The following NRXN1 variants were observed in gnomAD, a reference collection of about 807,000 sequenced individuals.
NRXN1 encodes neurexin-1.
NRXN1 carries 39 observed loss-of-function variants against 150.9 expected under a neutral mutation model. The observed-to-expected ratio is 0.26, with a 90% confidence interval of 0.20 to 0.34. The LOEUF (loss-of-function observed/expected upper bound fraction) is 0.34, where lower values mean the gene tolerates loss of function less well. Ranked by LOEUF, NRXN1 falls within the 10% of genes least tolerant of loss-of-function variation. The pLI is 1.00. For synonymous variants in NRXN1, 924 were observed against 757.0 expected (o/e 1.22, Z -3.62); for missense variants, 1,815 against 1,949.9 (o/e 0.93, Z 1.30).
intron 5 of NRXN1, among the ~76,000 whole-genome samples, chr2:50,812,255 G>C (rs139299263): frequency 2.0e-5 from 3 of 152,150 alleles, no homozygotes; most frequent in Non-Finnish European, 4.4e-5. Flanking sequence ...GAATGACTTT[G>C]TCTAGCAACA....
chr2:50,490,009 G>A (rs754107408), intron 15 of NRXN1, among the ~76,000 whole-genome samples: 4 of 152,154 alleles, frequency 2.6e-5, no homozygotes, highest in Non-Finnish European at 4.4e-5. Flanking sequence ...TGCAAAACCC[G>A]GGGATTCAAT....
intron 2 of NRXN1, among the ~76,000 whole-genome samples, chr2:50,997,953 G>A (rs1034320857): frequency 2.8e-5 from 4 of 141,380 alleles, no homozygotes; most frequent in South Asian, 2.3e-4. Context: ...GATGAGTTCC[G>A]AATGTTTAGA....
chr2:50,009,789 A>G (rs1191697317), intron 21 of NRXN1, among the ~76,000 whole-genome samples: 1 of 152,152 alleles, frequency 6.6e-6, no homozygotes, highest in African/African-American at 2.4e-5. Flanking sequence ...TAGCTTCTGA[A>G]TAAGATCATT....
At chr2:50,542,989 A>C (rs1186283582) in intron 9 of NRXN1, among the ~76,000 whole-genome samples, 1 of 152,160 alleles carries the variant, frequency 6.6e-6, no homozygotes, top group Non-Finnish European at 1.5e-5. Flanking sequence ...GAACACATCA[A>C]ATTAATATTT....
intron 2 of NRXN1, among the ~76,000 whole-genome samples, chr2:50,959,573 T>C (rs541885915): frequency 3.3e-5 from 5 of 151,928 alleles, no homozygotes; most frequent in South Asian, 2.1e-4. Flanking sequence ...AGTAGATGAA[T>C]AGATGCCAGG....
rs1236629015 is a variant in NRXN1, at chr2:49,920,668, C to T, written c.*1276G>A. The T allele has an allele frequency of 2.7e-5, 4 of 150,246 alleles. No individual in the cohort carries two copies. The South Asian group carries it at 6.3e-4, about 24-fold the overall frequency. The allele number at this position is 150,246 out of a possible 1,614,324, so 9.3% of individuals were successfully genotyped here. A position where few individuals can be genotyped will look rare whatever the true frequency, so the allele number is the denominator to read the frequency against. On this transcript the variant is annotated 3_prime_UTR_variant, in exon 23 of 23. Coordinates refer to ENST00000401669, the MANE Select transcript of NRXN1 (RefSeq NM_001330078.2). The stretch of plus-strand genomic sequence containing the variant: ...GCTACTGTATGCACGTTTGGATCTT[C>T]CAGCATATCTGATGGATTGCTGTGG...
intron 17 of NRXN1, among the ~76,000 whole-genome samples, chr2:50,340,300 T>C (rs1371227815): frequency 3.9e-5 from 6 of 152,174 alleles, no homozygotes; most frequent in Non-Finnish European, 7.4e-5. Flanking sequence ...TGTGAGAGAA[T>C]GGAATATTTT....
chr2:50,038,445 T>G (rs1690386299), intron 21 of NRXN1, among the ~76,000 whole-genome samples: 1 of 152,142 alleles, frequency 6.6e-6, no homozygotes, highest in Non-Finnish European at 1.5e-5. Context: ...ACATGTAAGA[T>G]AATAAGGCAT....
intron 17 of NRXN1, among the ~76,000 whole-genome samples, chr2:50,405,198 G>A (rs2082674699): frequency 6.6e-6 from 1 of 152,078 alleles, no homozygotes; most frequent in South Asian, 2.1e-4. Flanking sequence ...AAGATCTTGA[G>A]GATCTTTCCA....
At chr2:50,872,611 A>G (rs1677954488) in intron 5 of NRXN1, among the ~76,000 whole-genome samples, 1 of 151,670 alleles carries the variant, frequency 6.6e-6, no homozygotes, top group Non-Finnish European at 1.5e-5. Flanking sequence ...TAAGAATAAA[A>G]TAAAAATAAA....
At chr2:50,200,355 G>T (rs1382698404) in intron 18 of NRXN1, among the ~76,000 whole-genome samples, 2 of 151,988 alleles carry the variant, frequency 1.3e-5, no homozygotes, top group African/African-American at 4.8e-5. Context: ...TAATTAATTG[G>T]CCTCATTACT....
intron 13 of NRXN1, 136 bp from the exon 14 acceptor site, chr2:50,497,850 C>T (rs2091729266): frequency 1.4e-6 from 1 of 705,198 alleles, no homozygotes; most frequent in African/African-American, 1.8e-5. Flanking sequence ...ATAGGAAGAA[C>T]ACTTAAATGA....
intron 17 of NRXN1, among the ~76,000 whole-genome samples, chr2:50,316,751 A>C (rs1012072836): frequency 2.0e-5 from 3 of 152,010 alleles, no homozygotes; most frequent in African/African-American, 7.2e-5. Flanking sequence ...GAGAAATACA[A>C]ATTTGCCGAA....
intron 2 of NRXN1, chr2:51,026,554 A>G: frequency 1.1e-6 from 1 of 880,114 alleles, no homozygotes; most frequent in Non-Finnish European, 1.8e-6. Flanking sequence ...CAGAAATTAC[A>G]ACTTGGCCTC....
intron 17 of NRXN1, among the ~76,000 whole-genome samples, chr2:50,274,795 C>T (rs935432593): frequency 6.6e-6 from 1 of 151,736 alleles, no homozygotes; most frequent in Non-Finnish European, 1.5e-5. Context: ...AAAAAAAACC[C>T]ATAAAAATGT....
At chr2:49,942,614 T>TATTATTATTATTTTA (rs112672714) in intron 22 of NRXN1, among the ~76,000 whole-genome samples, 2 of 149,008 alleles carry the variant, frequency 1.3e-5, no homozygotes, top group African/African-American at 4.9e-5. Context: ...TTATTATTAT[T>TATTATTATTATTTTA]TTATTATTAT....
chr2:50,178,827 G>A lies in NRXN1; in HGVS notation c.3546+57962C>T, dbSNP rs550913238. ...GAAAAGAGCTTTGAGAACCATGTTA[G>A]CTTGTAGCTGCCAAAGACACAAGTA... On this transcript the variant is annotated intron_variant, in intron 18 of 22. Transcript: ENST00000401669. Among the ~76,000 whole-genome samples, 5 of 152,178 alleles carry A rather than the reference G, an allele frequency of 3.3e-5. 1 individual carries two copies. Among genetic ancestry groups the A allele is most frequent in the African/African-American group, 1.2e-4 (5 of 41,548 alleles).
chr2:50,605,912 G>A (rs979799370), intron 8 of NRXN1, among the ~76,000 whole-genome samples: 13 of 152,238 alleles, frequency 8.5e-5, no homozygotes, highest in Admixed American at 2.6e-4. Context: ...ATTGATGGAT[G>A]ACTGGATTTT....
At chr2:50,600,602 G>A (rs1161055259) in intron 8 of NRXN1, among the ~76,000 whole-genome samples, 3 of 152,196 alleles carry the variant, frequency 2.0e-5, no homozygotes, top group African/African-American at 7.2e-5. Flanking sequence ...TGGGATTACA[G>A]GCATAAGCCA....
Sources: gnomAD v4.1 joint callset for allele counts (sites outside exome capture counted in the v4.1 genomes callset) on GRCh38, gnomAD v4.1.1 for gene constraint, MANE v1.5 for transcripts, NCBI Gene and HGNC (gene_info 2026-07-23, HGNC 2026-07-21) for gene names.